ENKUR: variants seen among roughly 807,000 people sequenced by gnomAD.
ENKUR encodes enkurin, TRPC channel interacting protein, also known as enkurin.
A neutral mutation model predicts 27.6 loss-of-function variants in ENKUR; 19 were observed. The observed-to-expected ratio is 0.69, with a 90% confidence interval of 0.48 to 1.01. The LOEUF (loss-of-function observed/expected upper bound fraction) is 1.01. ENKUR is among the 50% of genes least tolerant of loss of function. ENKUR has a pLI of 0.00. For missense variants in ENKUR, 312 were observed against 310.5 expected, an observed-to-expected ratio of 1.00 and a Z score of -0.04; for synonymous variants, 117 against 96.9, an observed-to-expected ratio of 1.21 and a Z score of -1.22.
At chr10:25,059,298 A>T (rs373811438) in intron 2 of ENKUR, among the ~76,000 whole-genome samples, 1 of 151,198 alleles carries the variant, frequency 6.6e-6, no homozygotes, top group Non-Finnish European at 1.5e-5. Flanking sequence ...CACCCATCTA[A>T]TTTTTGCATT....
intron 2 of ENKUR, among the ~76,000 whole-genome samples, chr10:25,031,497 C>G (rs115347680): frequency 0.011 from 1,646 of 152,230 alleles, 32 homozygotes; most frequent in African/African-American, 0.037. Flanking sequence ...ACCCAGTCAA[C>G]CCACAGAACA....
Position 25,048,953 on chromosome 10 carries a change from A to C in ENKUR, c.37+12159T>G, listed in dbSNP as rs142216025. ...AAATGGACATGGAAATCAGAAAGAAAGAGGAAGGAGAAGGCATTCAGTGCC... is the reference window on the plus strand; with the variant it reads ...AAATGGACATGGAAATCAGAAAGAACGAGGAAGGAGAAGGCATTCAGTGCC... On this transcript the variant is annotated intron_variant, in intron 2 of 5. Transcript: ENST00000615958. Among the ~76,000 whole-genome samples, 695 of 152,290 alleles carry C rather than the reference A, an allele frequency of 4.6e-3. 17 individuals are homozygous for C. Among genetic ancestry groups the C allele is most frequent in the Admixed American group, 0.038 (584 of 15,294 alleles).
intron 4 of ENKUR, among the ~76,000 whole-genome samples, chr10:24,988,507 T>A (rs1849841620): frequency 6.8e-6 from 1 of 146,906 alleles, no homozygotes; most frequent in Non-Finnish European, 1.5e-5. Context: ...ATTTTGCAAT[T>A]TAATTGGTGA....
At chr10:25,023,365 T>A in intron 2 of ENKUR, 1 of 1,614,174 alleles carries the variant, frequency 6.2e-7, no homozygotes, top group Non-Finnish European at 8.5e-7. Flanking sequence ...GTCATGGTAT[T>A]CAACCCACTC....
chr10:25,049,858 A>C (rs1851165586), intron 2 of ENKUR, among the ~76,000 whole-genome samples: 2 of 151,676 alleles, frequency 1.3e-5, no homozygotes, highest in Admixed American at 1.3e-4. Flanking sequence ...GGGAGACAGT[A>C]GTGTATTAGA....
At chr10:25,004,182 G>A (rs541859305) in intron 1 of ENKUR, among the ~76,000 whole-genome samples, 1 of 152,236 alleles carries the variant, frequency 6.6e-6, no homozygotes. Context: ...TATCACTGAT[G>A]GGCATTTAGG....
At chr10:25,019,884 G>A (rs1440392689), upstream of ENKUR, among the ~76,000 whole-genome samples, 7 of 151,752 alleles carry the variant, frequency 4.6e-5, no homozygotes, top group East Asian at 1.9e-4. Context: ...CCATTTCTCC[G>A]TGAATTAAAA....
At chr10:25,007,995 T>C (rs1241178698) in intron 1 of ENKUR, among the ~76,000 whole-genome samples, 1 of 148,300 alleles carries the variant, frequency 6.7e-6, no homozygotes, top group Non-Finnish European at 1.5e-5. Flanking sequence ...ATATATAATA[T>C]ATAATATGAA....
At chr10:25,008,712 T>C (rs1240888635) in intron 1 of ENKUR, among the ~76,000 whole-genome samples, 2 of 152,184 alleles carry the variant, frequency 1.3e-5, no homozygotes, top group Admixed American at 6.5e-5. Context: ...TCCTCAGGGA[T>C]CTAGAACTAG....
Position 24,984,251 on chromosome 10 carries a change from C to A in ENKUR, c.*119G>T. ...TGTCATGGGCCACAGGAAAATACAT[C>A]TTTTGCATTTGTGGAGCTCAGAAAC... On this transcript the variant is annotated 3_prime_UTR_variant, in exon 6 of 6. Coordinates refer to ENST00000331161, the MANE Select transcript of ENKUR (RefSeq NM_145010.4). 4 of 1,149,348 alleles carry A rather than the reference C, an allele frequency of 3.5e-6. No homozygotes were observed. Among genetic ancestry groups the A allele is most frequent in the Non-Finnish European group, 4.9e-6 (4 of 815,254 alleles). 71.2% of individuals were successfully genotyped at this position (1,149,348 alleles called of 1,614,324 possible). A position where few individuals can be genotyped will look rare whatever the true frequency, so the allele number is the denominator to read the frequency against.
intron 2 of ENKUR, chr10:25,025,490 A>G (rs1456719410): frequency 6.4e-7 from 1 of 1,552,428 alleles, no homozygotes; most frequent in Admixed American, 2.0e-5. Context: ...TCTAGCTATA[A>G]GCATGCAATA....
At chr10:25,053,107 T>C (rs1055567578) in intron 2 of ENKUR, among the ~76,000 whole-genome samples, 1 of 149,786 alleles carries the variant, frequency 6.7e-6, no homozygotes, top group Admixed American at 6.7e-5. Context: ...CTGGAGGAAA[T>C]AAAATGGGAG....
chr10:25,023,736 T>C, intron 2 of ENKUR: 1 of 1,611,568 alleles, frequency 6.2e-7, no homozygotes. Context: ...TGAAGACAGA[T>C]AGGATTGTAG....
chr10:24,999,526 G>T lies in ENKUR; in HGVS notation c.98C>A (p.Ala33Glu). Reference sequence around the variant, plus strand: ...TTTTTGCATGTCATCTTTTACAGTTGCCTTAAAAATGGATATGTACCTAAA... The same window carrying T: ...TTTTTGCATGTCATCTTTTACAGTTTCCTTAAAAATGGATATGTACCTAAA... ...QPPRYISIFK[A>E]TVKDDMQKAK... The change falls in exon 2 of 6, where the codon GCA becomes GAA. Residue 33 changes from alanine (A) to glutamate (E), a missense_variant. By Grantham distance (107) the Ala-to-Glu change is moderately radical. Coordinates refer to ENST00000331161, the MANE Select transcript of ENKUR (RefSeq NM_145010.4). 1 of 1,609,292 alleles carries T rather than the reference G, an allele frequency of 6.2e-7. No homozygotes were observed. Among genetic ancestry groups the T allele is most frequent in the African/African-American group, 1.3e-5 (1 of 74,680 alleles).
chr10:25,017,908 C>T (rs1850639912), upstream of ENKUR, among the ~76,000 whole-genome samples: 1 of 152,158 alleles, frequency 6.6e-6, no homozygotes, highest in African/African-American at 2.4e-5. Context: ...ATGATAACGC[C>T]ATTAGCCAAG....
At chr10:25,032,814 C>G (rs1850952604) in intron 2 of ENKUR, among the ~76,000 whole-genome samples, 2 of 152,140 alleles carry the variant, frequency 1.3e-5, no homozygotes, top group Non-Finnish European at 2.9e-5. Flanking sequence ...CATGGATTTA[C>G]TGCCATTTTA....
intron 2 of ENKUR, among the ~76,000 whole-genome samples, chr10:25,036,050 A>G (rs1851003904): frequency 6.6e-6 from 1 of 152,198 alleles, no homozygotes; most frequent in African/African-American, 2.4e-5. Context: ...TAAATACTAT[A>G]ATCAGGACCA....
In ENKUR at chr10:25,024,204, T is replaced by C. The variant is rs901431686; in HGVS notation, c.38-28335A>G. The C allele has an allele frequency of 9.9e-6, 16 of 1,614,112 alleles. No individual in the cohort carries two copies. In the Admixed American group the frequency reaches 2.0e-4, roughly 20 times the overall value. On this transcript the variant is annotated intron_variant, in intron 2 of 5. Coordinates refer to the ENKUR transcript ENST00000615958. Reference sequence around the variant, plus strand: ...GGGAAAACTTTGCCTGCTCAAAAATTGCTCCTGTCAGGCACCTTTCAGGCA... The same window carrying C: ...GGGAAAACTTTGCCTGCTCAAAAATCGCTCCTGTCAGGCACCTTTCAGGCA...
chr10:24,993,663 A>G (rs1849976241), intron 3 of ENKUR, among the ~76,000 whole-genome samples: 1 of 152,244 alleles, frequency 6.6e-6, no homozygotes, highest in Non-Finnish European at 1.5e-5. Flanking sequence ...GGAAAAGTAA[A>G]TTGAGTAAGT....
Sources: gnomAD v4.1 joint callset for allele counts (sites outside exome capture counted in the v4.1 genomes callset) on GRCh38, gnomAD v4.1.1 for gene constraint, MANE v1.5 for transcripts, NCBI Gene and HGNC (gene_info 2026-07-23, HGNC 2026-07-21) for gene names.